The following OSBPL6 variants were observed in gnomAD, a reference collection of about 807,000 sequenced individuals.
OSBPL6 encodes oxysterol binding protein like 6, also known as oxysterol-binding protein-related protein 6.
Under a neutral mutation model 125.8 loss-of-function variants are expected in OSBPL6, and 49 were observed. That is an observed-to-expected ratio of 0.39 (90% CI 0.31 to 0.49). The LOEUF is 0.49. Among genes scored for constraint, OSBPL6 ranks in the 20% least tolerant of loss-of-function variants. The pLI is 0.88. For synonymous variants in OSBPL6, 394 were observed against 391.8 expected, an observed-to-expected ratio of 1.01 and a Z score of -0.07; for missense variants, 986 against 1,135.4, an observed-to-expected ratio of 0.87 and a Z score of 1.89.
intron 1 of OSBPL6, among the ~76,000 whole-genome samples, chr2:178,256,162 A>G (rs576989525): frequency 4.1e-4 from 62 of 152,350 alleles, no homozygotes; most frequent in African/African-American, 1.4e-3. Context: ...GTGATGAATT[A>G]GAACAAAAAA....
intron 2 of OSBPL6, among the ~76,000 whole-genome samples, chr2:178,304,009 T>C (rs1172225893): frequency 3.9e-5 from 6 of 152,212 alleles, no homozygotes; most frequent in Non-Finnish European, 7.3e-5. Context: ...CACTTGTGCT[T>C]CTATAACAGA....
Position 178,306,010 on chromosome 2 carries a change from C to A in OSBPL6, c.-155-20C>A. Reference sequence around the variant, plus strand: ...TTGACTTTTAATTACTTATATGAGGCTTGTTTGTTTTGCTTTTAGGTGGTT... The same window carrying A: ...TTGACTTTTAATTACTTATATGAGGATTGTTTGTTTTGCTTTTAGGTGGTT... On this transcript the variant is annotated intron_variant, in intron 2 of 24. Transcript: ENST00000190611. The A allele has an allele frequency of 2.0e-6, 1 of 496,952 alleles. No homozygotes were observed. Among genetic ancestry groups the A allele is most frequent in the South Asian group, 3.3e-5 (1 of 30,334 alleles). The allele number at this position is 496,952 out of a possible 1,614,324, so 30.8% of individuals were successfully genotyped here.
intron 1 of OSBPL6, among the ~76,000 whole-genome samples, chr2:178,279,767 G>T (rs1683953937): frequency 6.6e-6 from 1 of 152,138 alleles, no homozygotes; most frequent in Non-Finnish European, 1.5e-5. Flanking sequence ...TCTTAGTGTG[G>T]CTTTAAGGAT....
intron 2 of OSBPL6, among the ~76,000 whole-genome samples, chr2:178,299,686 A>G (rs1455325529): frequency 3.9e-5 from 6 of 152,244 alleles, no homozygotes; most frequent in Admixed American, 2.0e-4. Context: ...ATTACATTAA[A>G]TTGTGTCAAT....
At chr2:178,316,338 A>T (rs746858777) in intron 3 of OSBPL6, among the ~76,000 whole-genome samples, 1 of 152,220 alleles carries the variant, frequency 6.6e-6, no homozygotes, top group Admixed American at 6.5e-5. Context: ...ACAAAGATAC[A>T]TGTTAAAGAT....
intron 1 of OSBPL6, among the ~76,000 whole-genome samples, chr2:178,212,377 A>G (rs926880951): frequency 1.3e-5 from 2 of 152,218 alleles, no homozygotes; most frequent in African/African-American, 2.4e-5. Context: ...TTTAAAATTA[A>G]TACTTCCTAT....
At chr2:178,357,064 T>G (rs1025213559) in intron 12 of OSBPL6, among the ~76,000 whole-genome samples, 22 of 152,198 alleles carry the variant, frequency 1.4e-4, no homozygotes, top group African/African-American at 5.3e-4. Flanking sequence ...GGACCCTTCC[T>G]TACACCTTAT....
chr2:178,290,456 A>G (rs183701025), intron 2 of OSBPL6, among the ~76,000 whole-genome samples: 23 of 151,118 alleles, frequency 1.5e-4, no homozygotes, highest in Admixed American at 3.3e-4. Context: ...TTGATGCTCA[A>G]ACAAAACCTT....
intron 1 of OSBPL6, among the ~76,000 whole-genome samples, chr2:178,270,466 A>G (rs561692746): frequency 6.6e-6 from 1 of 152,330 alleles, no homozygotes; most frequent in East Asian, 1.9e-4. Flanking sequence ...AGGGAAACCA[A>G]GGAACAGAGA....
At chr2:178,201,963 A>G (rs2089284472) in intron 1 of OSBPL6, among the ~76,000 whole-genome samples, 1 of 152,226 alleles carries the variant, frequency 6.6e-6, no homozygotes, top group African/African-American at 2.4e-5. Context: ...ACTTTCGGGA[A>G]TGGCAGAATC....
intron 1 of OSBPL6, among the ~76,000 whole-genome samples, chr2:178,283,260 G>A (rs1684390737): frequency 6.6e-6 from 1 of 152,096 alleles, no homozygotes; most frequent in South Asian, 2.1e-4. Flanking sequence ...GGTACTTAAG[G>A]GGGCAATCAT....
At chr2:178,339,608 A>G (rs1690017430) in intron 10 of OSBPL6, 64 bp from the exon 11 acceptor site, 3 of 1,337,936 alleles carry the variant, frequency 2.2e-6, no homozygotes, top group East Asian at 2.6e-5. Context: ...GCTCTTGTCT[A>G]TATCTGTATC....
intron 23 of OSBPL6, among the ~76,000 whole-genome samples, chr2:178,393,313 G>A (rs1292294985): frequency 6.6e-6 from 1 of 152,190 alleles, no homozygotes; most frequent in Non-Finnish European, 1.5e-5. Flanking sequence ...TGATCCCACA[G>A]AGTATGAGAT....
intron 1 of OSBPL6, among the ~76,000 whole-genome samples, chr2:178,254,467 A>G (rs1170224375): frequency 6.6e-6 from 1 of 152,154 alleles, no homozygotes; most frequent in African/African-American, 2.4e-5. Context: ...GTTATGAGCA[A>G]CAGAAAGCAG....
At chr2:178,298,192 ATT>A (rs917896354) in intron 2 of OSBPL6, among the ~76,000 whole-genome samples, 6 of 152,176 alleles carry the variant, frequency 3.9e-5, no homozygotes, top group African/African-American at 1.4e-4. Flanking sequence ...CATCTGTGTC[ATT>A]ACATGTGTCA....
intron 11 of OSBPL6, among the ~76,000 whole-genome samples, chr2:178,342,317 G>A (rs1294628697): frequency 1.3e-5 from 2 of 152,060 alleles, no homozygotes; most frequent in African/African-American, 2.4e-5. Context: ...TATCAATGTT[G>A]TGTTACTGAA....
chr2:178,302,130 T>C (rs1425440215), intron 2 of OSBPL6, among the ~76,000 whole-genome samples: 2 of 152,114 alleles, frequency 1.3e-5, no homozygotes, highest in Non-Finnish European at 1.5e-5. Context: ...TTTAATTAGG[T>C]CCCTGGGTCA....
At chr2:178,214,612 A>C (rs1312662505) in intron 1 of OSBPL6, among the ~76,000 whole-genome samples, 1 of 152,148 alleles carries the variant, frequency 6.6e-6, no homozygotes, top group African/African-American at 2.4e-5. Flanking sequence ...ATCTTCACTT[A>C]AAGTCAACTG....
intron 18 of OSBPL6, among the ~76,000 whole-genome samples, chr2:178,385,225 A>G (rs1575038086): frequency 6.6e-6 from 1 of 152,280 alleles, no homozygotes; most frequent in Middle Eastern, 3.4e-3. Context: ...CCCAGAACTT[A>G]AAGTATAATT....
Sources: gnomAD v4.1 joint callset for allele counts (sites outside exome capture counted in the v4.1 genomes callset) on GRCh38, gnomAD v4.1.1 for gene constraint, MANE v1.5 for transcripts, NCBI Gene and HGNC (gene_info 2026-07-23, HGNC 2026-07-21) for gene names.